TSPAN7: variants seen among roughly 807,000 people sequenced by gnomAD.
TSPAN7 encodes tetraspanin-7.
A neutral mutation model predicts 17.6 loss-of-function variants in TSPAN7; 1 was observed. That is an observed-to-expected ratio of 0.06 (90% confidence interval 0.02 to 0.27). The LOEUF (loss-of-function observed/expected upper bound fraction) is 0.27. TSPAN7 is among the 10% of genes least tolerant of loss of function. TSPAN7 has a pLI of 1.00. For synonymous variants in TSPAN7, 78 were observed against 79.0 expected (o/e 0.99, Z 0.07); for missense variants, 112 against 201.7 (o/e 0.56, Z 2.69).
At chrX:38,662,928 T>G (rs1187991034) in intron 1 of TSPAN7, among the ~76,000 whole-genome samples, 1 of 110,361 alleles carries the variant, frequency 9.1e-6, no homozygotes, top group Non-Finnish European at 1.9e-5. Context: ...GTTAGAATGT[T>G]GGATGTTTTC....
intron 1 of TSPAN7, among the ~76,000 whole-genome samples, chrX:38,595,585 C>T (rs113282541): frequency 0.045 from 4,965 of 111,529 alleles, 235 homozygotes; most frequent in African/African-American, 0.14. Flanking sequence ...TATTTTTTCT[C>T]CTTAATTGCA....
At chrX:38,666,063 C>A in intron 1 of TSPAN7, 58 bp from the exon 2 acceptor site, 2 of 1,165,889 alleles carry the variant, frequency 1.7e-6, no homozygotes, top group Non-Finnish European at 2.3e-6. Context: ...CCACATTGCT[C>A]TGTGCTGATT....
chrX:38,585,984 A>G (rs1183546869), intron 1 of TSPAN7, among the ~76,000 whole-genome samples: 5 of 112,684 alleles, frequency 4.4e-5, no homozygotes. Flanking sequence ...CTCTTTATAA[A>G]TCACAGAGTC....
chrX:38,675,345 G>C (rs1036047423), intron 4 of TSPAN7, among the ~76,000 whole-genome samples: 1 of 112,108 alleles, frequency 8.9e-6, no homozygotes, highest in Non-Finnish European at 1.9e-5. Context: ...GATATCCCAG[G>C]GGAGAGTTTT....
chrX:38,592,028 G>A (rs1334799055), intron 1 of TSPAN7, among the ~76,000 whole-genome samples: 1 of 111,917 alleles, frequency 8.9e-6, no homozygotes, highest in East Asian at 2.8e-4. Context: ...GGGGAAGCCA[G>A]CATGTTCTAC....
chrX:38,683,831 C>T (rs1387824769), intron 6 of TSPAN7, among the ~76,000 whole-genome samples: 1 of 113,241 alleles, frequency 8.8e-6, no homozygotes, highest in African/African-American at 3.2e-5. Flanking sequence ...TGACCTGGAA[C>T]CAGACCTTTG....
intron 1 of TSPAN7, among the ~76,000 whole-genome samples, chrX:38,648,807 C>T: frequency 9.2e-6 from 1 of 108,189 alleles, no homozygotes. Context: ...GTAATCCCAG[C>T]TACTCTGGAG....
chrX:38,577,287 T>C (rs1339256711), intron 1 of TSPAN7, among the ~76,000 whole-genome samples: 1 of 111,600 alleles, frequency 9.0e-6, no homozygotes, highest in Non-Finnish European at 1.9e-5. Context: ...ATATTTTTCA[T>C]TGATAGAGGT....
At chrX:38,680,541 C>CTT (rs1270737121) in intron 5 of TSPAN7, among the ~76,000 whole-genome samples, 407 of 25,891 alleles carry the variant, frequency 0.016, 3 homozygotes, top group African/African-American at 0.049. Context: ...CTTACAAATT[C>CTT]TCTCTCTCTC....
At chrX:38,563,107 C>T in intron 1 of TSPAN7, 1 of 970,061 alleles carries the variant, frequency 1.0e-6, no homozygotes, top group Non-Finnish European at 1.3e-6. Context: ...ATTTCCTTAT[C>T]GCTGGCGTTG....
At chrX:38,671,312 C>G in intron 2 of TSPAN7, 64 bp from the exon 3 acceptor site, 3 of 1,087,629 alleles carry the variant, frequency 2.8e-6, no homozygotes, top group Admixed American at 2.2e-5. Flanking sequence ...AGTAACCTAC[C>G]CTGAAGAAGC....
chrX:38,614,045 T>C (rs2069438714), intron 1 of TSPAN7, among the ~76,000 whole-genome samples: 1 of 108,787 alleles, frequency 9.2e-6, no homozygotes, highest in South Asian at 4.3e-4. Context: ...TCTGTCTGCT[T>C]TGGAGCTTCC....
intron 1 of TSPAN7, among the ~76,000 whole-genome samples, chrX:38,621,070 A>G (rs1394394602): frequency 1.8e-5 from 2 of 112,043 alleles, no homozygotes; most frequent in Non-Finnish European, 3.8e-5. Context: ...TTACCAAACA[A>G]AATTATAGTC....
chrX:38,663,547 T>C (rs1272552336), intron 1 of TSPAN7, among the ~76,000 whole-genome samples: 2 of 112,226 alleles, frequency 1.8e-5, no homozygotes, highest in Non-Finnish European at 3.8e-5. Flanking sequence ...CAAAAACCTA[T>C]TGAAATTAAA....
chrX:38,667,381 C>T (rs1189041484), intron 2 of TSPAN7, among the ~76,000 whole-genome samples: 1 of 112,433 alleles, frequency 8.9e-6, no homozygotes, highest in Non-Finnish European at 1.9e-5. Context: ...GACCTGTCCT[C>T]AAAATAAAAT....
intron 1 of TSPAN7, among the ~76,000 whole-genome samples, chrX:38,663,858 G>C (rs138318775): frequency 0.034 from 3,760 of 112,235 alleles, 142 homozygotes; most frequent in African/African-American, 0.11. Context: ...TTGATTAGCA[G>C]TATACATTTT....
intron 1 of TSPAN7, among the ~76,000 whole-genome samples, chrX:38,599,979 T>C (rs1240802501): frequency 8.9e-6 from 1 of 111,983 alleles, no homozygotes; most frequent in East Asian, 2.8e-4. Context: ...TTTATTTTGG[T>C]GGCAGCATTT....
chrX:38,596,574 G>C (rs569640333), intron 1 of TSPAN7, among the ~76,000 whole-genome samples: 9 of 109,253 alleles, frequency 8.2e-5, no homozygotes, highest in African/African-American at 3.0e-4. Flanking sequence ...TAAATTTCTT[G>C]GGGGAGCTTG....
At chrX:38,593,017 TA>T (rs1366513420) in intron 1 of TSPAN7, among the ~76,000 whole-genome samples, 38 of 110,827 alleles carry the variant, frequency 3.4e-4, no homozygotes, top group African/African-American at 1.2e-3. Context: ...TTTTGAAAGA[TA>T]TTTTTGCTAG....
Sources: gnomAD v4.1 joint callset for allele counts (sites outside exome capture counted in the v4.1 genomes callset) on GRCh38, gnomAD v4.1.1 for gene constraint, MANE v1.5 for transcripts, NCBI Gene and HGNC (gene_info 2026-07-23, HGNC 2026-07-21) for gene names.